CLIC4: variants seen among roughly 807,000 people sequenced by gnomAD.
CLIC4 encodes the protein CLIC family member 4.
A neutral mutation model predicts 24.6 loss-of-function variants in CLIC4; 13 were observed. The observed-to-expected ratio is 0.53, with a 90% CI of 0.34 to 0.84. The LOEUF is 0.84. CLIC4 is among the 40% of genes least tolerant of loss of function. CLIC4 has a pLI of 0.01. For missense variants in CLIC4, 227 were observed against 301.7 expected, an observed-to-expected ratio of 0.75 and a Z score of 1.83; for synonymous variants, 104 against 111.3, an observed-to-expected ratio of 0.93 and a Z score of 0.41.
At chr1:24,766,433 CT>C (rs977539484) in intron 1 of CLIC4, among the ~76,000 whole-genome samples, 2 of 79,394 alleles carry the variant, frequency 2.5e-5, no homozygotes, top group East Asian at 3.5e-4. Flanking sequence ...CACCTTTTTT[CT>C]TTTTTTTAGA....
chr1:24,762,283 G>A (rs539980180), intron 1 of CLIC4, among the ~76,000 whole-genome samples: 11 of 152,198 alleles, frequency 7.2e-5, no homozygotes, highest in East Asian at 3.9e-4. Flanking sequence ...TCAGCTGGGC[G>A]TGATGTCACA....
intron 1 of CLIC4, 70 bp downstream of exon 1, chr1:24,745,695 C>A: frequency 7.4e-7 from 1 of 1,345,236 alleles, no homozygotes; most frequent in Non-Finnish European, 1.0e-6. Context: ...GAGCGGCGTC[C>A]CGGGGCTCTC....
At chr1:24,811,430 C>T (rs1273161059) in intron 2 of CLIC4, among the ~76,000 whole-genome samples, 1 of 152,156 alleles carries the variant, frequency 6.6e-6, no homozygotes, top group Non-Finnish European at 1.5e-5. Flanking sequence ...TCCTGGCTTA[C>T]AATTTGAGAA....
At chr1:24,773,569 A>G (rs1482246931) in intron 1 of CLIC4, among the ~76,000 whole-genome samples, 3 of 150,946 alleles carry the variant, frequency 2.0e-5, no homozygotes, top group East Asian at 1.9e-4. Context: ...AGGGCTAGAC[A>G]ATGAAAAAGT....
intron 3 of CLIC4, among the ~76,000 whole-genome samples, chr1:24,818,652 C>G (rs1639695605): frequency 6.6e-6 from 1 of 152,012 alleles, no homozygotes; most frequent in Admixed American, 6.6e-5. Context: ...CATTAATGGA[C>G]TACAAAGCAC....
intron 4 of CLIC4, among the ~76,000 whole-genome samples, chr1:24,829,598 C>T (rs1471954151): frequency 6.6e-6 from 1 of 152,068 alleles, no homozygotes; most frequent in Non-Finnish European, 1.5e-5. Flanking sequence ...CCAACTGTGA[C>T]TAGTCATTGA....
Position 24,808,824 on chromosome 1 carries a change from C to A in CLIC4, c.183-5270C>A, listed in dbSNP as rs367781462. 6.6e-5 allele frequency among the ~76,000 whole-genome samples: 10 copies of A among 151,912 alleles called. No homozygotes were observed. In the East Asian group the frequency reaches 1.9e-3, roughly 29 times the overall value. ...CCCAAGTAGCTAGGACTACAGGCAC[C>A]CACCACCACGCCTGACTAATTTTTT... is the stretch of plus-strand genomic sequence containing the variant. On this transcript the variant is annotated intron_variant, in intron 2 of 5. Transcript: ENST00000374379.
intron 4 of CLIC4, among the ~76,000 whole-genome samples, chr1:24,830,358 A>G (rs1639827794): frequency 6.6e-6 from 1 of 152,138 alleles, no homozygotes; most frequent in Admixed American, 6.5e-5. Flanking sequence ...ATCAAAATAT[A>G]GATCTACCTC....
At chr1:24,789,275 T>G (rs1320779526) in intron 1 of CLIC4, among the ~76,000 whole-genome samples, 1 of 152,234 alleles carries the variant, frequency 6.6e-6, no homozygotes, top group Non-Finnish European at 1.5e-5. Context: ...CCCAGCACTT[T>G]GGGAGACCGA....
intron 1 of CLIC4, among the ~76,000 whole-genome samples, chr1:24,785,021 AAAAAG>A (rs1571241958): frequency 6.6e-6 from 1 of 151,208 alleles, no homozygotes; most frequent in East Asian, 1.9e-4. Context: ...AAAAAAAAGA[AAAAAG>A]AAAAAGAATA....
At chr1:24,753,020 C>T (rs558038121) in intron 1 of CLIC4, among the ~76,000 whole-genome samples, 2 of 152,274 alleles carry the variant, frequency 1.3e-5, no homozygotes, top group African/African-American at 4.8e-5. Flanking sequence ...CGCGCCCAGC[C>T]TAATAGTATA....
chr1:24,814,798 A>G (rs1304565614), intron 3 of CLIC4, among the ~76,000 whole-genome samples: 1 of 152,210 alleles, frequency 6.6e-6, no homozygotes, highest in Non-Finnish European at 1.5e-5. Context: ...TTTGCATCAT[A>G]CTGTAATATT....
chr1:24,793,989 G>A (rs1639369445), intron 1 of CLIC4, among the ~76,000 whole-genome samples: 1 of 152,174 alleles, frequency 6.6e-6, no homozygotes, highest in Non-Finnish European at 1.5e-5. Context: ...GGACGTCATA[G>A]TCAACAGGCT....
intron 2 of CLIC4, among the ~76,000 whole-genome samples, chr1:24,807,131 T>TA (rs570254600): frequency 1.7e-3 from 258 of 150,422 alleles, no homozygotes; most frequent in Admixed American, 3.0e-3. Flanking sequence ...CCCCCATCTC[T>TA]AAAAAAAAAG....
chr1:24,755,985 C>T (rs1638843099), intron 1 of CLIC4, among the ~76,000 whole-genome samples: 1 of 148,558 alleles, frequency 6.7e-6, no homozygotes. Context: ...CCATGCCCAG[C>T]TAATTTTTTG....
intron 2 of CLIC4, among the ~76,000 whole-genome samples, chr1:24,810,915 T>TA (rs974300376): frequency 4.0e-5 from 6 of 151,124 alleles, no homozygotes; most frequent in East Asian, 2.0e-4. Context: ...CTGTCTCTAC[T>TA]AAAAAATACA....
intron 1 of CLIC4, among the ~76,000 whole-genome samples, chr1:24,771,605 A>C (rs1639072114): frequency 6.6e-6 from 1 of 152,112 alleles, no homozygotes; most frequent in Admixed American, 6.6e-5. Context: ...GTTTTTTGGC[A>C]AATTGGTGTG....
chr1:24,792,682 C>CT (rs1639353991), intron 1 of CLIC4, among the ~76,000 whole-genome samples: 1 of 151,972 alleles, frequency 6.6e-6, no homozygotes, highest in Non-Finnish European at 1.5e-5. Flanking sequence ...AATATGCATC[C>CT]TTTTATTTAT....
chr1:24,785,003 CAAAAAA>C (rs371409071), intron 1 of CLIC4, among the ~76,000 whole-genome samples: 3 of 122,256 alleles, frequency 2.5e-5, no homozygotes, highest in African/African-American at 3.2e-5. Context: ...GACTCTGTCT[CAAAAAA>C]AAAAAAAAAG....
Sources: allele counts gnomAD v4.1 joint callset (sites outside exome capture counted in the v4.1 genomes callset), GRCh38; gene constraint gnomAD v4.1.1; transcripts MANE v1.5; gene names NCBI Gene and HGNC (gene_info 2026-07-23, HGNC 2026-07-21).